CNTN5: variants seen among roughly 807,000 people sequenced by gnomAD.
The protein encoded by CNTN5 is contactin-5.
A neutral mutation model predicts 129.1 loss-of-function variants in CNTN5; 77 were observed. The observed-to-expected ratio is 0.60, with a 90% CI of 0.50 to 0.72. The LOEUF (loss-of-function observed/expected upper bound fraction) is 0.72, where lower values mean the gene tolerates loss of function less well. Ranked by LOEUF, CNTN5 falls within the 30% of genes least tolerant of loss-of-function variation. The probability of loss-of-function intolerance (pLI) is 0.00; values close to 1 mark genes in which losing one functional copy is unlikely to be tolerated. For missense variants in CNTN5, 1,478 were observed against 1,328.8 expected (o/e 1.11, Z -1.75); for synonymous variants, 509 against 465.6 (o/e 1.09, Z -1.20).
intron 13 of CNTN5, among the ~76,000 whole-genome samples, chr11:100,085,455 A>G (rs760854941): frequency 2.0e-5 from 3 of 152,032 alleles, no homozygotes; most frequent in Admixed American, 6.6e-5. Context: ...TATTTCCATA[A>G]AAACTAAACT....
chr11:99,761,334 T>C (rs1053278176), intron 3 of CNTN5, among the ~76,000 whole-genome samples: 6 of 152,134 alleles, frequency 3.9e-5, no homozygotes, highest in Non-Finnish European at 8.8e-5. Context: ...GTTACGTATG[T>C]ATACATGTGC....
At chr11:100,126,660 A>T (rs1228366645) in intron 13 of CNTN5, among the ~76,000 whole-genome samples, 1 of 152,022 alleles carries the variant, frequency 6.6e-6, no homozygotes, top group African/African-American at 2.4e-5. Flanking sequence ...CTTTACTTTC[A>T]GCCTATGTAT....
intron 4 of CNTN5, among the ~76,000 whole-genome samples, chr11:99,838,454 G>T (rs1005795626): frequency 1.3e-5 from 2 of 151,946 alleles, no homozygotes; most frequent in African/African-American, 4.8e-5. Flanking sequence ...GAGGAAAAAT[G>T]GTTTATTAGT....
At chr11:100,022,735 G>A (rs959136474) in intron 9 of CNTN5, among the ~76,000 whole-genome samples, 1 of 151,992 alleles carries the variant, frequency 6.6e-6, no homozygotes, top group Admixed American at 6.5e-5. Context: ...TTCAACTTTT[G>A]TATGCCTAAG....
chr11:99,754,373 T>C (rs890158543), intron 3 of CNTN5, among the ~76,000 whole-genome samples: 1 of 152,154 alleles, frequency 6.6e-6, no homozygotes, highest in Admixed American at 6.5e-5. Flanking sequence ...TCTCAAACTA[T>C]TTTTTATTCT....
intron 9 of CNTN5, among the ~76,000 whole-genome samples, chr11:100,003,436 G>A (rs1940002079): frequency 1.3e-5 from 2 of 152,098 alleles, no homozygotes; most frequent in South Asian, 4.1e-4. Context: ...GCTCAATACT[G>A]ACAAATGCAA....
At chr11:99,516,828 G>A (rs1947072127) in intron 2 of CNTN5, among the ~76,000 whole-genome samples, 1 of 151,954 alleles carries the variant, frequency 6.6e-6, no homozygotes, top group African/African-American at 2.4e-5. Context: ...ATTTCATTTG[G>A]AATGCACATA....
At chr11:100,296,922 A>G (rs542108100) in intron 18 of CNTN5, among the ~76,000 whole-genome samples, 2 of 151,672 alleles carry the variant, frequency 1.3e-5, no homozygotes, top group East Asian at 1.9e-4. Context: ...TTCTTTTAAT[A>G]GTTTTCTTCA....
intron 1 of CNTN5, among the ~76,000 whole-genome samples, chr11:99,239,706 C>T (rs1479720763): frequency 3.3e-5 from 5 of 152,054 alleles, no homozygotes; most frequent in Admixed American, 6.5e-5. Context: ...GAGGCCGAGG[C>T]GGGCGGATCA....
intron 2 of CNTN5, among the ~76,000 whole-genome samples, chr11:99,408,586 G>C (rs372913290): frequency 6.6e-6 from 1 of 151,826 alleles, no homozygotes. Context: ...CTCCTGCCTC[G>C]GCCTCCCAAA....
chr11:99,466,901 C>A (rs66652612), intron 2 of CNTN5, among the ~76,000 whole-genome samples: 36,944 of 151,902 alleles, frequency 0.24, 4,843 homozygotes, highest in Non-Finnish European at 0.3. Flanking sequence ...ATTCTATTGG[C>A]CGGAAGTCAA....
chr11:99,641,194 C>T (rs1951758375), intron 3 of CNTN5, among the ~76,000 whole-genome samples: 2 of 152,140 alleles, frequency 1.3e-5, no homozygotes, highest in Non-Finnish European at 2.9e-5. Flanking sequence ...AGCCATTACA[C>T]TTGAAATAAT....
intron 1 of CNTN5, among the ~76,000 whole-genome samples, chr11:99,196,727 TTTA>T (rs1407344582): frequency 2.0e-5 from 3 of 151,964 alleles, no homozygotes; most frequent in African/African-American, 7.2e-5. Context: ...GAGTATATTG[TTTA>T]TTTTAATATA....
chr11:99,226,404 A>T (rs1394401747), intron 1 of CNTN5, among the ~76,000 whole-genome samples: 2 of 152,170 alleles, frequency 1.3e-5, no homozygotes, highest in Non-Finnish European at 2.9e-5. Context: ...CAAACAGGTG[A>T]CTTTGAATGA....
At chr11:100,030,426 T>C (rs1941648343) in intron 9 of CNTN5, among the ~76,000 whole-genome samples, 3 of 152,122 alleles carry the variant, frequency 2.0e-5, no homozygotes, top group African/African-American at 7.2e-5. Context: ...GTCTCTGTCT[T>C]AAAAATAGGT....
chr11:99,366,456 C>A (rs1040690044), intron 2 of CNTN5, among the ~76,000 whole-genome samples: 2 of 152,148 alleles, frequency 1.3e-5, no homozygotes, highest in Admixed American at 1.3e-4. Context: ...ATGCCATAGG[C>A]ATTTCAGAAA....
At chr11:99,198,600 C>A (rs11218770) in intron 1 of CNTN5, among the ~76,000 whole-genome samples, 74,224 of 151,864 alleles carry the variant, frequency 0.49, 18,150 homozygotes, top group East Asian at 0.6. Context: ...CTATAAATTT[C>A]AACTTTTAAT....
intron 6 of CNTN5, among the ~76,000 whole-genome samples, chr11:99,902,121 T>TGA (rs1949373304): frequency 6.6e-6 from 1 of 152,144 alleles, no homozygotes; most frequent in Non-Finnish European, 1.5e-5. Flanking sequence ...GAACTGGCAA[T>TGA]ACGGAAAAGT....
At chr11:100,337,154 C>G (rs1591525074) in intron 21 of CNTN5, 2 of 1,431,448 alleles carry the variant, frequency 1.4e-6, no homozygotes, top group Non-Finnish European at 2.0e-6. Context: ...ACAGCTGCAC[C>G]CATGAATGTT....
Sources: allele counts gnomAD v4.1 joint callset (sites outside exome capture counted in the v4.1 genomes callset), GRCh38; gene constraint gnomAD v4.1.1; transcripts MANE v1.5; gene names NCBI Gene and HGNC (gene_info 2026-07-23, HGNC 2026-07-21).